Variants in MED4 observed in about 807,000 individuals in gnomAD.
The protein encoded by MED4 is mediator complex subunit 4, also known as mediator of RNA polymerase II transcription subunit 4.
A neutral mutation model predicts 35.0 loss-of-function variants in MED4; 21 were observed. That is an observed-to-expected ratio of 0.60 (90% CI 0.43 to 0.86). The LOEUF (loss-of-function observed/expected upper bound fraction) is 0.86, where lower values mean the gene tolerates loss of function less well. MED4 is among the 40% of genes least tolerant of loss of function. The pLI, the probability that MED4 is intolerant of heterozygous loss-of-function variation, is 0.00. For missense variants in MED4, 300 were observed against 319.4 expected (o/e 0.94, Z 0.46); for synonymous variants, 138 against 114.0 (o/e 1.21, Z -1.34).
Position 48,079,846 on chromosome 13 carries a change from G to A in MED4, c.638C>T (p.Pro213Leu). 6.2e-7 allele frequency: 1 copy of A among 1,613,324 alleles called. No individual in the cohort carries two copies. The highest frequency in any genetic ancestry group is 8.5e-7 in the Non-Finnish European group (1 of 1,179,550). ...AACACTCTTCGGCTTAACATTACCT[G>A]GCAATCTTCCTGCTGCAAGTGCATC... ...PGDALAAGRL[P>L]DVLAPQYPWQ... is the part of the protein sequence containing the mutation. Residue 213 changes from proline (P) to leucine (L), a missense_variant and splice_region_variant, in exon 6 of 7, where the codon CCA (proline) becomes CTA (leucine). By Grantham distance (98) the Pro-to-Leu change is moderately conservative (BLOSUM62 -3). Transcript: ENST00000258648.
Position 48,087,706 on chromosome 13 carries a change from C to T in MED4, c.193-1254G>A, listed in dbSNP as rs1950862496. ...CTCTACTAAAAATATAAAAATTAGC[C>T]GGGGGTGGTGGCACATGCCTGTAAT... On this transcript the variant is annotated intron_variant, in intron 2 of 6. Coordinates refer to ENST00000258648, the MANE Select transcript of MED4 (RefSeq NM_014166.4). Among the ~76,000 whole-genome samples the T allele has an allele frequency of 2.6e-5, 4 of 151,716 alleles. No individual in the cohort carries two copies. The South Asian group carries it at 8.3e-4, about 32-fold the overall frequency.
intron 5 of MED4, among the ~76,000 whole-genome samples, chr13:48,080,402 A>C (rs1194753704): frequency 6.6e-6 from 1 of 150,642 alleles, no homozygotes; most frequent in African/African-American, 2.4e-5. Context: ...GTCTCAAAAA[A>C]AAAAAAAAAA....
chr13:48,090,864 T>TA (rs1165882856), intron 1 of MED4, among the ~76,000 whole-genome samples: 1 of 152,220 alleles, frequency 6.6e-6, no homozygotes, highest in African/African-American at 2.4e-5. Context: ...ATCAGGGGTC[T>TA]ACAGGCCAAA....
chr13:48,092,627 T>C (rs1351157165), intron 1 of MED4, among the ~76,000 whole-genome samples: 3 of 152,164 alleles, frequency 2.0e-5, no homozygotes, highest in Non-Finnish European at 2.9e-5. Flanking sequence ...TTAGTAATCG[T>C]GATGGGAGAA....
chr13:48,090,303 T>A, intron 2 of MED4, 49 bp downstream of exon 2: 3 of 1,417,074 alleles, frequency 2.1e-6, no homozygotes, highest in East Asian at 2.4e-5. Flanking sequence ...TTTTTTCTTT[T>A]AATTAAAAAA....
chr13:48,081,445 T>C (rs1308355519), intron 5 of MED4, among the ~76,000 whole-genome samples, 200 bp downstream of exon 5: 1 of 152,200 alleles, frequency 6.6e-6, no homozygotes, highest in Non-Finnish European at 1.5e-5. Flanking sequence ...ACACAGTCCC[T>C]AGCAACAATG....
intron 1 of MED4, among the ~76,000 whole-genome samples, chr13:48,091,242 C>T (rs1950887961): frequency 6.6e-6 from 1 of 152,110 alleles, no homozygotes; most frequent in South Asian, 2.1e-4. Flanking sequence ...TTAGAATGCT[C>T]ATTTAATAAA....
rs1950809820 is a variant in MED4 at position 48,081,746 on chromosome 13, A to G, written c.422-15T>C. 1 of 1,557,026 alleles carries G rather than the reference A, an allele frequency of 6.4e-7. No individual in the cohort carries two copies. Among genetic ancestry groups the G allele is most frequent in the African/African-American group, 1.4e-5 (1 of 73,748 alleles). On this transcript the variant is annotated splice_polypyrimidine_tract_variant and intron_variant, in intron 4 of 6. Transcript: ENST00000258648. Reference sequence around the variant, plus strand: ...GGAGATAGCACCTGAAAGAGTTTTAAGAGGACAGTATAACCTGTAGTCTAA... The same window carrying G: ...GGAGATAGCACCTGAAAGAGTTTTAGGAGGACAGTATAACCTGTAGTCTAA...
chr13:48,086,281 C>G lies in MED4; in HGVS notation c.363+1G>C. 6.2e-7 allele frequency: 1 copy of G among 1,612,780 alleles called. No individual in the cohort carries two copies. The highest frequency in any genetic ancestry group is 8.5e-7 in the Non-Finnish European group (1 of 1,179,366). Reference sequence around the variant, plus strand: ...TTAAGAACCAACCTCTGTCAACTTACCAGTATTTGTTCTGCTTCCTTTAGC... The same window carrying G: ...TTAAGAACCAACCTCTGTCAACTTAGCAGTATTTGTTCTGCTTCCTTTAGC... On this transcript the variant is annotated splice_donor_variant, in intron 3 of 6. Transcript: ENST00000258648. LOFTEE classifies it high-confidence loss of function.
chr13:48,082,640 A>C (rs1950818051), intron 4 of MED4, among the ~76,000 whole-genome samples: 1 of 152,302 alleles, frequency 6.6e-6, no homozygotes, highest in East Asian at 1.9e-4. Flanking sequence ...ATCCTGGCTA[A>C]CACAGTGAAA....
chr13:48,094,806 C>A, intron 1 of MED4, 148 bp downstream of exon 1: 1 of 1,162,688 alleles, frequency 8.6e-7, no homozygotes, highest in African/African-American at 1.6e-5. Flanking sequence ...GGGCTGCGGA[C>A]CCCACGTCCA....
intron 5 of MED4, 109 bp from the exon 6 acceptor site, chr13:48,080,084 C>T: frequency 7.8e-7 from 1 of 1,283,572 alleles, no homozygotes; most frequent in Non-Finnish European, 1.1e-6. Context: ...GTTCAGGCTA[C>T]ATTTTCAATT....
At chr13:48,087,319 G>A (rs531037739) in intron 2 of MED4, among the ~76,000 whole-genome samples, 91 of 152,080 alleles carry the variant, frequency 6.0e-4, no homozygotes, top group Admixed American at 1.4e-3. Flanking sequence ...AGCTGAGATC[G>A]CGCCATTGCA....
At chr13:48,079,699 G>A (rs900697969) in intron 6 of MED4, 145 bp downstream of exon 6, 16 of 908,668 alleles carry the variant, frequency 1.8e-5, no homozygotes, top group East Asian at 2.8e-5. Flanking sequence ...CTCCAGCCTG[G>A]GTGACATAAC....
Position 48,076,943 on chromosome 13 carries a change from T to C in MED4, c.*196A>G. The C allele has an allele frequency of 2.1e-6, 1 of 476,702 alleles. No homozygotes were observed. The highest frequency in any genetic ancestry group is 3.7e-6 in the Non-Finnish European group (1 of 273,346). The allele number at this position is 476,702 out of a possible 1,614,324, so 29.5% of individuals were successfully genotyped here. A position where few individuals can be genotyped will look rare whatever the true frequency, so the allele number is the denominator to read the frequency against. On this transcript the variant is annotated 3_prime_UTR_variant, in exon 7 of 7. Transcript: ENST00000258648. ...ACTATTCCCCTAAATATCTACCTAG[T>C]GGCTTAAAACTAAAACTATGGTCTT...
chr13:48,086,342 CTCTACT>C lies in MED4; in HGVS notation c.297_302del (p.Val100_Glu101del), dbSNP rs778506735. On this transcript the variant is annotated inframe_deletion, in exon 3 of 7. Coordinates refer to ENST00000258648, the MANE Select transcript of MED4 (RefSeq NM_014166.4). The stretch of plus-strand genomic sequence containing the variant: ...GCTGCTGAATATCACTGTCTCTCTT[CTCTACT>C]TCTTTTTCTAAAACTTGCATTTCAT... 9 of 1,613,656 alleles carry C rather than the reference CTCTACT, an allele frequency of 5.6e-6. No homozygotes were observed. The highest frequency in any genetic ancestry group is 6.8e-6 in the Non-Finnish European group (8 of 1,179,922).
At chr13:48,083,827 A>C (rs572129236) in intron 3 of MED4, among the ~76,000 whole-genome samples, 4 of 152,264 alleles carry the variant, frequency 2.6e-5, no homozygotes, top group East Asian at 3.9e-4. Context: ...TTGAATTCAT[A>C]TTCTTATTCG....
chr13:48,076,296 G>C lies in MED4; in HGVS notation c.*843C>G, dbSNP rs897359367. The C allele has an allele frequency of 1.3e-5, 2 of 152,114 alleles. No homozygotes were observed. The highest frequency in any genetic ancestry group is 4.8e-5 in the African/African-American group (2 of 41,428). The allele number at this position is 152,114 out of a possible 1,614,324, so 9.4% of individuals were successfully genotyped here. A position where few individuals can be genotyped will look rare whatever the true frequency, so the allele number is the denominator to read the frequency against. On this transcript the variant is annotated 3_prime_UTR_variant, in exon 7 of 7. Coordinates refer to ENST00000258648, the MANE Select transcript of MED4 (RefSeq NM_014166.4). ...ACAGAAATTAAAAGTGGTTAAAAATGACTCCTGGGGAACTGTAAGAAGAGG... is the reference window on the plus strand; with the variant it reads ...ACAGAAATTAAAAGTGGTTAAAAATCACTCCTGGGGAACTGTAAGAAGAGG...
At chr13:48,094,118 A>G (rs1950908330) in intron 1 of MED4, among the ~76,000 whole-genome samples, 1 of 152,214 alleles carries the variant, frequency 6.6e-6, no homozygotes. Flanking sequence ...ATGCCTTTTA[A>G]AACTGGTATC....
Sources: allele counts gnomAD v4.1 joint callset (sites outside exome capture counted in the v4.1 genomes callset), GRCh38; gene constraint gnomAD v4.1.1; transcripts MANE v1.5; gene names NCBI Gene and HGNC (gene_info 2026-07-23, HGNC 2026-07-21).